The following MAGI2 variants were observed in gnomAD, a reference collection of about 807,000 sequenced individuals.
MAGI2 encodes the protein membrane associated guanylate kinase, WW and PDZ domain containing 2.
MAGI2 carries 35 observed loss-of-function variants against 133.3 expected under a neutral mutation model. The observed-to-expected ratio is 0.26, with a 90% confidence interval of 0.20 to 0.35. MAGI2 has a LOEUF of 0.35. Ranked by LOEUF, MAGI2 falls within the 10% of genes least tolerant of loss-of-function variation. The probability of loss-of-function intolerance (pLI) is 1.00; values close to 1 mark genes in which losing one functional copy is unlikely to be tolerated. For missense variants in MAGI2, 1,636 were observed against 1,863.4 expected, an observed-to-expected ratio of 0.88 and a Z score of 2.25; for synonymous variants, 729 against 710.6, an observed-to-expected ratio of 1.03 and a Z score of -0.41.
intron 2 of MAGI2, among the ~76,000 whole-genome samples, chr7:78,694,438 T>C (rs1295443496): frequency 2.0e-5 from 3 of 152,162 alleles, no homozygotes; most frequent in Non-Finnish European, 4.4e-5. Context: ...AGGATTTTCT[T>C]TCTGTCTCAT....
intron 2 of MAGI2, among the ~76,000 whole-genome samples, chr7:78,898,254 A>G (rs1425003075): frequency 6.6e-6 from 1 of 152,240 alleles, no homozygotes; most frequent in Non-Finnish European, 1.5e-5. Flanking sequence ...AAATTAGTTC[A>G]TCCGTTGTGG....
At chr7:78,297,650 T>C (rs1258727483) in intron 9 of MAGI2, among the ~76,000 whole-genome samples, 1 of 151,610 alleles carries the variant, frequency 6.6e-6, no homozygotes, top group Non-Finnish European at 1.5e-5. Flanking sequence ...TATGCAGCCA[T>C]AAAAAATGAT....
At chr7:78,879,561 A>G (rs1795684214) in intron 2 of MAGI2, among the ~76,000 whole-genome samples, 1 of 152,108 alleles carries the variant, frequency 6.6e-6, no homozygotes, top group East Asian at 1.9e-4. Flanking sequence ...AATAATAATA[A>G]TGGGAAAGAA....
intron 1 of MAGI2, among the ~76,000 whole-genome samples, chr7:79,015,270 C>T (rs1319336592): frequency 2.0e-5 from 3 of 151,926 alleles, no homozygotes; most frequent in Admixed American, 2.0e-4. Context: ...GCCTGGGCAA[C>T]ACAGTAAGAC....
At chr7:78,633,661 G>A (rs11768493) in intron 2 of MAGI2, among the ~76,000 whole-genome samples, 6,513 of 145,272 alleles carry the variant, frequency 0.045, 194 homozygotes, top group East Asian at 0.078. Flanking sequence ...AGCAGAGATC[G>A]CGCCACTGCA....
chr7:78,842,233 C>T (rs1226267534), intron 2 of MAGI2, among the ~76,000 whole-genome samples: 1 of 151,918 alleles, frequency 6.6e-6, no homozygotes, highest in East Asian at 1.9e-4. Context: ...CTGAAAGAAC[C>T]TCCTGTAAGG....
intron 6 of MAGI2, among the ~76,000 whole-genome samples, chr7:78,395,310 A>G (rs1456645911): frequency 6.6e-6 from 1 of 152,228 alleles, no homozygotes; most frequent in African/African-American, 2.4e-5. Context: ...TTTAAAGTCC[A>G]ATGGAAAAAG....
intron 3 of MAGI2, among the ~76,000 whole-genome samples, chr7:78,551,839 G>A (rs892019805): frequency 6.6e-6 from 1 of 152,104 alleles, no homozygotes; most frequent in African/African-American, 2.4e-5. Flanking sequence ...TGAATTGCTG[G>A]GCTCAAGTGA....
At chr7:78,955,274 T>C (rs1016592271) in intron 2 of MAGI2, among the ~76,000 whole-genome samples, 1 of 152,082 alleles carries the variant, frequency 6.6e-6, no homozygotes, top group African/African-American at 2.4e-5. Context: ...CATTTATACA[T>C]ATATGATAGG....
chr7:78,182,391 T>G (rs531958781), intron 13 of MAGI2, among the ~76,000 whole-genome samples: 1 of 152,336 alleles, frequency 6.6e-6, no homozygotes, highest in East Asian at 1.9e-4. Context: ...CTTTAGTTGT[T>G]TGCTTTATCC....
At chr7:78,298,810 G>GTTTTTTTTTT (rs71085520) in intron 9 of MAGI2, among the ~76,000 whole-genome samples, 4 of 79,606 alleles carry the variant, frequency 5.0e-5, no homozygotes, top group South Asian at 4.7e-4. Flanking sequence ...TGGCCTAAAC[G>GTTTTTTTTTT]TTTTTTTTTT....
intron 2 of MAGI2, among the ~76,000 whole-genome samples, chr7:78,933,182 T>G (rs1418763514): frequency 6.6e-6 from 1 of 152,132 alleles, no homozygotes; most frequent in Non-Finnish European, 1.5e-5. Flanking sequence ...ATTTTGTTAT[T>G]CCTTGACAAC....
At chr7:78,246,591 C>G (rs1376288483) in intron 10 of MAGI2, among the ~76,000 whole-genome samples, 2 of 152,100 alleles carry the variant, frequency 1.3e-5, no homozygotes, top group African/African-American at 2.4e-5. Context: ...CATCTCTGTG[C>G]TGCTCCCTGT....
intron 1 of MAGI2, among the ~76,000 whole-genome samples, chr7:79,021,233 T>C (rs1346422767): frequency 6.6e-6 from 1 of 152,180 alleles, no homozygotes; most frequent in African/African-American, 2.4e-5. Context: ...AGAAGGGAAA[T>C]GTGGGTTTGG....
intron 1 of MAGI2, among the ~76,000 whole-genome samples, chr7:79,010,646 G>C (rs1001374729): frequency 6.6e-6 from 1 of 151,928 alleles, no homozygotes; most frequent in Non-Finnish European, 1.5e-5. Flanking sequence ...CAATCGTTTT[G>C]TTGAGCAGAG....
intron 1 of MAGI2, among the ~76,000 whole-genome samples, chr7:79,230,780 G>C (rs999734423): frequency 5.4e-4 from 82 of 151,978 alleles, no homozygotes; most frequent in Admixed American, 2.6e-3. Context: ...TCGCTGTGCA[G>C]AAGCTCTTTA....
chr7:78,605,712 A>G (rs957031788), intron 3 of MAGI2, among the ~76,000 whole-genome samples: 3 of 152,220 alleles, frequency 2.0e-5, no homozygotes, highest in Non-Finnish European at 2.9e-5. Flanking sequence ...AGGAAATCTA[A>G]GCACAAAGAG....
At chr7:78,568,180 T>G (rs1044107389) in intron 3 of MAGI2, 2 of 152,378 alleles carry the variant, frequency 1.3e-5, no homozygotes, top group East Asian at 3.9e-4. Flanking sequence ...AATGTTTAAA[T>G]CTGAGGATTG....
chr7:78,663,520 T>C (rs1813211831), intron 2 of MAGI2, among the ~76,000 whole-genome samples: 1 of 152,144 alleles, frequency 6.6e-6, no homozygotes. Context: ...TACCAACTCT[T>C]TCTGGCTTTG....
Sources: gnomAD v4.1 joint callset for allele counts (sites outside exome capture counted in the v4.1 genomes callset) on GRCh38, gnomAD v4.1.1 for gene constraint, MANE v1.5 for transcripts, NCBI Gene and HGNC (gene_info 2026-07-23, HGNC 2026-07-21) for gene names.